The following SLC35E2B variants were observed in gnomAD, a reference collection of about 807,000 sequenced individuals.
The protein encoded by SLC35E2B is solute carrier family 35 member E2B.
A neutral mutation model predicts 32.4 loss-of-function variants in SLC35E2B; 18 were observed. The observed-to-expected ratio is 0.56, with a 90% CI of 0.38 to 0.82. The LOEUF is 0.82. Ranked by LOEUF, SLC35E2B falls within the 40% of genes least tolerant of loss-of-function variation. The pLI, the probability that SLC35E2B is intolerant of heterozygous loss-of-function variation, is 0.00. For synonymous variants in SLC35E2B, 132 were observed against 209.1 expected, an observed-to-expected ratio of 0.63 and a Z score of 3.18; for missense variants, 263 against 469.5, an observed-to-expected ratio of 0.56 and a Z score of 4.06.
chr1:1,665,419 C>A lies in SLC35E2B; in HGVS notation c.*363G>T. ...AAGCCGAGGGCTCTCTTGGCTGTGG[C>A]AGGGAGCGGCTCTCGTTGGCACTGG... On this transcript the variant is annotated 3_prime_UTR_variant, in exon 10 of 10. Transcript: ENST00000617444. The A allele has an allele frequency of 2.2e-6, 1 of 458,406 alleles. No homozygotes were observed. The allele number at this position is 458,406 out of a possible 1,614,324, so 28.4% of individuals were successfully genotyped here.
intron 9 of SLC35E2B, 149 bp from the exon 10 acceptor site, chr1:1,666,168 G>A (rs569544058): frequency 8.3e-6 from 8 of 969,104 alleles, no homozygotes; most frequent in Middle Eastern, 3.3e-4. Context: ...CCAGCAGCTC[G>A]GCTGACCCCG....
At chr1:1,685,587 A>G (rs1643940675) in intron 2 of SLC35E2B, among the ~76,000 whole-genome samples, 1 of 151,976 alleles carries the variant, frequency 6.6e-6, no homozygotes, top group Non-Finnish European at 1.5e-5. Context: ...AAGCAAAAAT[A>G]ATTAAATCAA....
intron 8 of SLC35E2B, 116 bp downstream of exon 8, chr1:1,669,548 C>G (rs1442813546): frequency 2.8e-6 from 3 of 1,076,248 alleles, no homozygotes. Context: ...GGACCCGCAG[C>G]GGAGCTGGGC....
chr1:1,666,716 T>G (rs1255042654), intron 9 of SLC35E2B, among the ~76,000 whole-genome samples: 4 of 146,364 alleles, frequency 2.7e-5, no homozygotes, highest in Non-Finnish European at 6.0e-5. Flanking sequence ...GGGCTCATGC[T>G]TGTAACCCCA....
At chr1:1,668,597 T>G (rs1643603643) in intron 8 of SLC35E2B, 125 bp from the exon 9 acceptor site, 1 of 1,562,938 alleles carries the variant, frequency 6.4e-7, no homozygotes, top group Non-Finnish European at 8.7e-7. Flanking sequence ...AGGACAGCCC[T>G]GAAAATGCCT....
intron 5 of SLC35E2B, 47 bp from the exon 6 acceptor site, chr1:1,671,676 G>A (rs767325841): frequency 1.1e-4 from 156 of 1,454,086 alleles, no homozygotes; most frequent in East Asian, 3.6e-4. Flanking sequence ...CCGGGCGGAC[G>A]CTCCCTCCCG....
intron 6 of SLC35E2B, chr1:1,671,307 G>T: frequency 4.2e-6 from 2 of 471,206 alleles, no homozygotes; most frequent in Non-Finnish European, 7.1e-6. Context: ...TACCAAGACC[G>T]TCCATCCTGA....
At chr1:1,683,055 G>A (rs1643913537) in intron 2 of SLC35E2B, among the ~76,000 whole-genome samples, 2 of 151,476 alleles carry the variant, frequency 1.3e-5, no homozygotes, top group African/African-American at 4.9e-5. Context: ...CCAGCCTGGG[G>A]GACAGAGCGA....
intron 2 of SLC35E2B, among the ~76,000 whole-genome samples, chr1:1,683,867 T>C (rs887144307): frequency 6.6e-6 from 1 of 152,072 alleles, no homozygotes; most frequent in Non-Finnish European, 1.5e-5. Context: ...ACCAAACACA[T>C]TTCATATCAG....
chr1:1,674,866 G>C (rs574303304), intron 5 of SLC35E2B, among the ~76,000 whole-genome samples: 1 of 152,100 alleles, frequency 6.6e-6, no homozygotes, highest in African/African-American at 2.4e-5. Context: ...TCAAGACGCC[G>C]CGCTCTGTGG....
intron 6 of SLC35E2B, 28 bp from the exon 7 acceptor site, chr1:1,670,179 C>T (rs1490148493): frequency 2.7e-6 from 4 of 1,500,888 alleles, no homozygotes; most frequent in South Asian, 1.2e-5. Context: ...GGTTATGCAT[C>T]AATACTAGTC....
intron 2 of SLC35E2B, among the ~76,000 whole-genome samples, chr1:1,684,358 G>C (rs1317754344): frequency 6.6e-6 from 1 of 152,202 alleles, no homozygotes; most frequent in Non-Finnish European, 1.5e-5. Flanking sequence ...TCAGGGCAGC[G>C]TTTCTGCTGA....
At chr1:1,680,222 AC>A (rs1456358499) in intron 2 of SLC35E2B, among the ~76,000 whole-genome samples, 1 of 151,966 alleles carries the variant, frequency 6.6e-6, no homozygotes, top group Non-Finnish European at 1.5e-5. Context: ...GATTGCTTGA[AC>A]AAGAGAGGTC....
chr1:1,667,362 G>A (rs1436479118), intron 9 of SLC35E2B, among the ~76,000 whole-genome samples: 2 of 152,120 alleles, frequency 1.3e-5, no homozygotes, highest in African/African-American at 2.4e-5. Context: ...GCAGTGAGCC[G>A]AGACTGCGAT....
intron 2 of SLC35E2B, among the ~76,000 whole-genome samples, chr1:1,684,000 G>A (rs1420066487): frequency 6.6e-6 from 1 of 152,140 alleles, no homozygotes; most frequent in Non-Finnish European, 1.5e-5. Flanking sequence ...AGCGGCGGTG[G>A]CCCACACCTA....
chr1:1,690,497 G>C (rs2101123456), intron 2 of SLC35E2B, among the ~76,000 whole-genome samples: 1 of 144,500 alleles, frequency 6.9e-6, no homozygotes, highest in Non-Finnish European at 1.5e-5. Flanking sequence ...CCAGCACTTT[G>C]GGAGGCCAAG....
At chr1:1,680,821 T>C (rs866294349) in intron 2 of SLC35E2B, among the ~76,000 whole-genome samples, 40 of 150,122 alleles carry the variant, frequency 2.7e-4, no homozygotes, top group South Asian at 8.4e-4. Context: ...TTTTTTTTTT[T>C]AGATGGAATC....
chr1:1,669,989 A>G lies in SLC35E2B; in HGVS notation c.761+109T>C, dbSNP rs1006922431. 10 of 1,098,032 alleles carry G rather than the reference A, an allele frequency of 9.1e-6. No homozygotes were observed. The African/African-American group carries it at 1.6e-4, about 17-fold the overall frequency. 68.0% of individuals were successfully genotyped at this position (1,098,032 alleles called of 1,614,324 possible). A position where few individuals can be genotyped will look rare whatever the true frequency, so the allele number is the denominator to read the frequency against. The stretch of plus-strand genomic sequence containing the variant: ...GACAGGGTACTTGTAAAGGCCACCC[A>G]AGCCAGACAGGAAGGGAGTCAGGCC... On this transcript the variant is annotated intron_variant, in intron 7 of 9. Coordinates refer to ENST00000617444, the MANE Select transcript of SLC35E2B (RefSeq NM_001290264.2).
In SLC35E2B at chr1:1,665,573, G is replaced by T; in HGVS notation, c.*209C>A. On this transcript the variant is annotated 3_prime_UTR_variant, in exon 10 of 10. Transcript: ENST00000617444. ...GGCTCGGCGGACACAGTCAGCTACTGGTCTGGTCTCTACTCCAGGAAGCTG... is the reference window on the plus strand; with the variant it reads ...GGCTCGGCGGACACAGTCAGCTACTTGTCTGGTCTCTACTCCAGGAAGCTG... 1 of 725,628 alleles carries T rather than the reference G, an allele frequency of 1.4e-6. No homozygotes were observed. Among genetic ancestry groups the T allele is most frequent in the Non-Finnish European group, 2.2e-6 (1 of 452,458 alleles). 44.9% of individuals were successfully genotyped at this position (725,628 alleles called of 1,614,324 possible).
Sources: gnomAD v4.1 joint callset for allele counts (sites outside exome capture counted in the v4.1 genomes callset) on GRCh38, gnomAD v4.1.1 for gene constraint, MANE v1.5 for transcripts, NCBI Gene and HGNC (gene_info 2026-07-23, HGNC 2026-07-21) for gene names.